CPD: variants seen among roughly 807,000 people sequenced by gnomAD.
CPD encodes carboxypeptidase D.
CPD carries 69 observed loss-of-function variants against 138.3 expected under a neutral mutation model. That is an observed-to-expected ratio of 0.50 (90% CI 0.41 to 0.61). The LOEUF (loss-of-function observed/expected upper bound fraction) is 0.61, where lower values mean the gene tolerates loss of function less well. Among genes scored for constraint, CPD ranks in the 20% least tolerant of loss-of-function variants. The probability of loss-of-function intolerance (pLI) is 0.00; values close to 1 mark genes in which losing one functional copy is unlikely to be tolerated. For synonymous variants in CPD, 651 were observed against 642.1 expected (o/e 1.01, Z -0.21); for missense variants, 1,432 against 1,733.3 (o/e 0.83, Z 3.09).
intron 11 of CPD, among the ~76,000 whole-genome samples, chr17:30,444,987 TA>T (rs1351587284): frequency 6.6e-6 from 1 of 152,044 alleles, no homozygotes; most frequent in Non-Finnish European, 1.5e-5. Context: ...GAGTGTTAAC[TA>T]AAGCAGCAGG....
chr17:30,457,797 C>T (rs1012935413), intron 17 of CPD, among the ~76,000 whole-genome samples: 5 of 152,068 alleles, frequency 3.3e-5, no homozygotes, highest in Admixed American at 2.6e-4. Flanking sequence ...TCCTGAGTAG[C>T]CAAGACCACC....
intron 14 of CPD, among the ~76,000 whole-genome samples, chr17:30,452,420 C>T (rs762763166): frequency 2.0e-5 from 3 of 151,362 alleles, no homozygotes; most frequent in Admixed American, 6.6e-5. Flanking sequence ...TACAGGGACC[C>T]GCCACCATGC....
At chr17:30,447,549 A>G (rs1913062667) in intron 12 of CPD, 1 of 152,196 alleles carries the variant, frequency 6.6e-6, no homozygotes, top group Non-Finnish European at 1.5e-5. Flanking sequence ...TGTTCTGACT[A>G]AATATTGTTT....
chr17:30,460,194 G>A (rs1158284487), intron 17 of CPD, among the ~76,000 whole-genome samples: 1 of 152,178 alleles, frequency 6.6e-6, no homozygotes, highest in Non-Finnish European at 1.5e-5. Context: ...GAAAGAGGAA[G>A]CAGTACATAG....
intron 1 of CPD, chr17:30,380,629 T>C (rs1911015126): frequency 6.6e-7 from 1 of 1,516,164 alleles, no homozygotes; most frequent in African/African-American, 1.4e-5. Flanking sequence ...GAGAATGTTA[T>C]AAATATTTAT....
At chr17:30,430,655 G>A (rs1010387048) in intron 7 of CPD, among the ~76,000 whole-genome samples, 2 of 151,520 alleles carry the variant, frequency 1.3e-5, no homozygotes, top group Non-Finnish European at 2.9e-5. Context: ...TCTTTTCCCC[G>A]TGCCCCCCTT....
At chr17:30,385,738 A>G (rs1339445951) in intron 2 of CPD, among the ~76,000 whole-genome samples, 1 of 151,332 alleles carries the variant, frequency 6.6e-6, no homozygotes, top group Non-Finnish European at 1.5e-5. Flanking sequence ...CATTATGTCC[A>G]AAGTAGCCTT....
At chr17:30,404,120 G>A (rs1911745169) in intron 2 of CPD, among the ~76,000 whole-genome samples, 1 of 152,134 alleles carries the variant, frequency 6.6e-6, no homozygotes, top group African/African-American at 2.4e-5. Context: ...CTGGGATATA[G>A]AAATGTTCTG....
chr17:30,461,339 A>G (rs1477676802), intron 18 of CPD, 28 bp downstream of exon 18: 2 of 1,522,886 alleles, frequency 1.3e-6, no homozygotes, highest in South Asian at 1.4e-5. Context: ...AACTAGAGGC[A>G]AACTCCCAGG....
intron 20 of CPD, among the ~76,000 whole-genome samples, chr17:30,463,582 A>T (rs1002730397): frequency 6.6e-6 from 1 of 152,228 alleles, no homozygotes; most frequent in Non-Finnish European, 1.5e-5. Context: ...GAAGGAAAAA[A>T]ATGTGGTAAA....
chr17:30,444,021 T>C (rs1280357831), intron 11 of CPD, 50 bp downstream of exon 11: 1 of 1,585,602 alleles, frequency 6.3e-7, no homozygotes, highest in Non-Finnish European at 8.6e-7. Context: ...CAAACATGGC[T>C]CCATTCTGGA....
At chr17:30,389,825 A>G (rs1000422416) in intron 2 of CPD, among the ~76,000 whole-genome samples, 3 of 152,142 alleles carry the variant, frequency 2.0e-5, no homozygotes, top group Non-Finnish European at 4.4e-5. Context: ...TGAATGTCGG[A>G]TATGTCCTAT....
chr17:30,435,111 CAG>C (rs901135564), intron 8 of CPD, among the ~76,000 whole-genome samples: 1 of 151,664 alleles, frequency 6.6e-6, no homozygotes, highest in African/African-American at 2.4e-5. Context: ...AAAATAAAAA[CAG>C]AGGCCAGGAA....
At chr17:30,400,455 G>C (rs1911623682) in intron 2 of CPD, among the ~76,000 whole-genome samples, 5 of 151,984 alleles carry the variant, frequency 3.3e-5, no homozygotes, top group South Asian at 4.2e-4. Context: ...CAGTCTAAGG[G>C]ACTTAAGGGG....
chr17:30,456,846 C>CAAAAAAAAAAAAA (rs11353479), intron 17 of CPD: 2 of 66,626 alleles, frequency 3.0e-5, no homozygotes, highest in Non-Finnish European at 2.7e-5. Context: ...GATTCCATCT[C>CAAAAAAAAAAAAA]AAAAAAAAAA....
rs1485160508 is a variant in CPD at position 30,442,308 on chromosome 17, G to T, written c.2231G>T (p.Gly744Val). ...TNGASWYNVP[G>V]GMQDWNYLQT... ...ACTAATTTTAATTTTTATCTTTTAGGAGGAATGCAGGACTGGAACTATTTA... is the reference window on the plus strand; with the variant it reads ...ACTAATTTTAATTTTTATCTTTTAGTAGGAATGCAGGACTGGAACTATTTA... Residue 744 changes from glycine to valine, a missense_variant and splice_region_variant, in exon 10 of 21, where the codon GGA becomes GTA. Gly to Val is a moderately radical substitution (Grantham distance 109, BLOSUM62 -3). Around this residue, in one of 6 missense-constraint regions of CPD, gnomAD observed 297 missense variants for 405.3 expected, o/e 0.73. Coordinates refer to ENST00000225719, the MANE Select transcript of CPD (RefSeq NM_001304.5). 6.2e-7 allele frequency: 1 copy of T among 1,610,690 alleles called. No homozygotes were observed. The highest frequency in any genetic ancestry group is 8.5e-7 in the Non-Finnish European group (1 of 1,177,720).
At chr17:30,452,961 A>G (rs1913203309) in intron 14 of CPD, among the ~76,000 whole-genome samples, 1 of 151,974 alleles carries the variant, frequency 6.6e-6, no homozygotes, top group Non-Finnish European at 1.5e-5. Flanking sequence ...ATTCACTATC[A>G]CAAGAATAAT....
intron 8 of CPD, 73 bp from the exon 9 acceptor site, chr17:30,438,902 C>T (rs966385894): frequency 8.5e-6 from 8 of 942,576 alleles, no homozygotes; most frequent in Non-Finnish European, 1.3e-5. Context: ...TATTATTTTC[C>T]TGTATCTTTC....
intron 2 of CPD, among the ~76,000 whole-genome samples, chr17:30,400,167 A>G (rs1911615361): frequency 6.6e-6 from 1 of 151,976 alleles, no homozygotes; most frequent in Non-Finnish European, 1.5e-5. Context: ...CTCATTTTTC[A>G]GTTTGCCTCT....
Sources: gnomAD v4.1 joint callset for allele counts (sites outside exome capture counted in the v4.1 genomes callset) on GRCh38, gnomAD v4.1.1 for gene constraint, gnomAD v4.1.1 regional missense constraint, MANE v1.5 for transcripts, NCBI Gene and HGNC (gene_info 2026-07-23, HGNC 2026-07-21) for gene names.